Variants in ZNF804B observed in about 807,000 individuals in gnomAD.
ZNF804B encodes the protein zinc finger protein 804B, also known as zinc finger 804B.
Under a neutral mutation model 101.4 loss-of-function variants are expected in ZNF804B, and 80 were observed. The observed-to-expected ratio is 0.79, with a 90% CI of 0.66 to 0.95. The LOEUF is 0.95. Among genes scored for constraint, ZNF804B ranks in the 40% least tolerant of loss-of-function variants. The probability of loss-of-function intolerance (pLI) is 0.00; values close to 1 mark genes in which losing one functional copy is unlikely to be tolerated. For missense variants in ZNF804B, 1,673 were observed against 1,561.9 expected, an observed-to-expected ratio of 1.07 and a Z score of -1.20; for synonymous variants, 622 against 558.8, an observed-to-expected ratio of 1.11 and a Z score of -1.59.
chr7:89,150,987 ATAT>A (rs1790866902), intron 1 of ZNF804B, among the ~76,000 whole-genome samples: 1 of 152,162 alleles, frequency 6.6e-6, no homozygotes, highest in East Asian at 1.9e-4. Context: ...AGCAAAGGAA[ATAT>A]TATTAAAAAT....
chr7:89,218,266 A>G lies in ZNF804B; in HGVS notation c.220A>G (p.Ile74Val). 1 of 1,613,744 alleles carries G rather than the reference A, an allele frequency of 6.2e-7. No homozygotes were observed. The highest frequency in any genetic ancestry group is 8.5e-7 in the Non-Finnish European group (1 of 1,179,804). The stretch of plus-strand genomic sequence containing the variant: ...CAAACACCAGGAGTTTGACAATCAT[A>G]TTAATTCTTATGACCATGCTCATAA... ...YHKHQEFDNH[I>V]NSYDHAHKQR... is the part of the protein sequence containing the mutation. Residue 74 changes from isoleucine (I) to valine (V), a missense_variant, in exon 2 of 4, where the codon ATT becomes GTT. Ile to Val is a conservative substitution (Grantham distance 29). Coordinates refer to ENST00000333190, the MANE Select transcript of ZNF804B (RefSeq NM_181646.5).
chr7:89,064,503 T>C (rs1789425310), intron 1 of ZNF804B, among the ~76,000 whole-genome samples: 1 of 152,160 alleles, frequency 6.6e-6, no homozygotes, highest in African/African-American at 2.4e-5. Flanking sequence ...AAACTTTAAA[T>C]GTGGTTTAGA....
At chr7:89,110,607 G>GT (rs1790202007) in intron 1 of ZNF804B, among the ~76,000 whole-genome samples, 2 of 152,084 alleles carry the variant, frequency 1.3e-5, no homozygotes, top group African/African-American at 4.8e-5. Flanking sequence ...AGTATAGAGG[G>GT]TTCTATATGC....
At chr7:89,171,962 A>T (rs564633322) in intron 1 of ZNF804B, among the ~76,000 whole-genome samples, 7 of 152,046 alleles carry the variant, frequency 4.6e-5, no homozygotes, top group Admixed American at 3.9e-4. Context: ...AAAAGGATCT[A>T]TTTGAAATAT....
chr7:88,976,412 C>A (rs1376283779), intron 1 of ZNF804B, among the ~76,000 whole-genome samples: 1 of 151,098 alleles, frequency 6.6e-6, no homozygotes, highest in East Asian at 2.0e-4. Context: ...TTTTTGTGTC[C>A]TCTTCAATTT....
chr7:89,041,763 G>C (rs1789020934), intron 1 of ZNF804B, among the ~76,000 whole-genome samples: 1 of 152,138 alleles, frequency 6.6e-6, no homozygotes. Context: ...TGAATAATGT[G>C]AACTGTCCTT....
At chr7:89,239,196 G>T (rs1166260241) in intron 2 of ZNF804B, among the ~76,000 whole-genome samples, 1 of 152,156 alleles carries the variant, frequency 6.6e-6, no homozygotes, top group Admixed American at 6.5e-5. Flanking sequence ...GGACTGGTTT[G>T]TGCAGGACAG....
intron 1 of ZNF804B, among the ~76,000 whole-genome samples, chr7:88,971,860 A>G (rs1269100531): frequency 2.6e-5 from 4 of 151,548 alleles, no homozygotes; most frequent in African/African-American, 9.7e-5. Context: ...TCTTTGGGGG[A>G]AATAGATACT....
intron 1 of ZNF804B, among the ~76,000 whole-genome samples, chr7:88,931,025 T>A (rs1390866845): frequency 6.6e-6 from 1 of 151,854 alleles, no homozygotes. Flanking sequence ...CATTTATAAT[T>A]CAGTAGTTTC....
At chr7:88,841,126 C>T (rs1249005656) in intron 1 of ZNF804B, among the ~76,000 whole-genome samples, 1 of 152,104 alleles carries the variant, frequency 6.6e-6, no homozygotes, top group Non-Finnish European at 1.5e-5. Context: ...TTGGCCTGTC[C>T]AAAGAAAGAT....
intron 1 of ZNF804B, among the ~76,000 whole-genome samples, chr7:88,880,520 A>G (rs1407871831): frequency 6.6e-6 from 1 of 152,154 alleles, no homozygotes; most frequent in Non-Finnish European, 1.5e-5. Context: ...TAATTTAAAC[A>G]TTACTGAATT....
intron 1 of ZNF804B, among the ~76,000 whole-genome samples, chr7:89,008,404 G>A (rs1339803711): frequency 1.3e-5 from 2 of 152,138 alleles, no homozygotes; most frequent in African/African-American, 2.4e-5. Flanking sequence ...GATGAGCCTT[G>A]TTTTCTCCAC....
intron 1 of ZNF804B, among the ~76,000 whole-genome samples, chr7:88,994,696 A>G (rs1793895155): frequency 6.6e-6 from 1 of 152,042 alleles, no homozygotes; most frequent in South Asian, 2.1e-4. Flanking sequence ...GATTTTCCCT[A>G]CTTTGTTGGT....
chr7:89,087,419 A>T (rs1789821409), intron 1 of ZNF804B, among the ~76,000 whole-genome samples: 1 of 152,010 alleles, frequency 6.6e-6, no homozygotes, highest in Non-Finnish European at 1.5e-5. Context: ...AGTGACCTCA[A>T]ATCATTTGAG....
At chr7:89,246,105 T>A (rs1048089601) in intron 2 of ZNF804B, among the ~76,000 whole-genome samples, 3 of 152,104 alleles carry the variant, frequency 2.0e-5, no homozygotes, top group Non-Finnish European at 4.4e-5. Context: ...CACTTGGGCA[T>A]TTTAGTCTTG....
At chr7:88,796,713 C>A (rs1001614532) in intron 1 of ZNF804B, among the ~76,000 whole-genome samples, 1 of 152,140 alleles carries the variant, frequency 6.6e-6, no homozygotes, top group Admixed American at 6.6e-5. Flanking sequence ...GGATCTCTCG[C>A]TCTACTTCTT....
At chr7:88,773,905 G>A (rs1790106228) in intron 1 of ZNF804B, among the ~76,000 whole-genome samples, 1 of 152,000 alleles carries the variant, frequency 6.6e-6, no homozygotes, top group African/African-American at 2.4e-5. Context: ...CCAGTGATCT[G>A]AACACCTCTC....
chr7:89,142,278 TTTG>T (rs1256044023), intron 1 of ZNF804B, among the ~76,000 whole-genome samples: 4 of 150,732 alleles, frequency 2.7e-5, no homozygotes, highest in Non-Finnish European at 5.9e-5. Flanking sequence ...TTGTTTGTTT[TTTG>T]TTGTTTTTTG....
chr7:89,332,374 G>A (rs1045852645), intron 3 of ZNF804B, among the ~76,000 whole-genome samples: 21 of 151,714 alleles, frequency 1.4e-4, no homozygotes, highest in African/African-American at 4.8e-4. Flanking sequence ...TTATATTCAA[G>A]CAACAAATGA....
Sources: allele counts gnomAD v4.1 joint callset (sites outside exome capture counted in the v4.1 genomes callset), GRCh38; gene constraint gnomAD v4.1.1; transcripts MANE v1.5; gene names NCBI Gene and HGNC (gene_info 2026-07-23, HGNC 2026-07-21).